Variants in MPND observed in about 807,000 individuals in gnomAD.
MPND encodes the protein MPN domain-containing protein.
A neutral mutation model predicts 59.2 loss-of-function variants in MPND; 56 were observed. The ratio of observed to expected loss-of-function variants is 0.95; its 90% CI spans 0.76 to 1.18. The LOEUF is 1.18. Among genes scored for constraint, MPND ranks in the 50% most tolerant of loss-of-function variants. The pLI is 0.00. For missense variants in MPND, 671 were observed against 676.0 expected (o/e 0.99, Z 0.08); for synonymous variants, 323 against 291.9 (o/e 1.11, Z -1.09).
intron 2 of MPND, among the ~76,000 whole-genome samples, chr19:4,345,029 C>T (rs1429243819): frequency 7.1e-6 from 1 of 140,376 alleles, no homozygotes; most frequent in Non-Finnish European, 1.5e-5. Context: ...GCGTGAGCCA[C>T]CATGCCCGGC....
At chr19:4,358,449 T>C (rs1465667899) in intron 11 of MPND, 1 of 465,824 alleles carries the variant, frequency 2.1e-6, no homozygotes, top group Non-Finnish European at 3.9e-6. Flanking sequence ...CTTTGGGTGG[T>C]AACTGGATGA....
At chr19:4,346,009 C>T (rs1377501574) in intron 3 of MPND, 28 bp downstream of exon 3, 2 of 1,583,286 alleles carry the variant, frequency 1.3e-6, no homozygotes, top group Non-Finnish European at 1.7e-6. Flanking sequence ...CTCCAGGAAG[C>T]CGCCCAGGTC....
intron 11 of MPND, among the ~76,000 whole-genome samples, chr19:4,358,782 A>AC (rs1265794868): frequency 6.6e-6 from 1 of 152,134 alleles, no homozygotes; most frequent in Non-Finnish European, 1.5e-5. Context: ...GTGAGACCCT[A>AC]CCTCAAGGAA....
chr19:4,354,096 G>T lies in MPND; in HGVS notation c.716G>T (p.Arg239Leu), dbSNP rs769946757. 23 of 1,613,024 alleles carry T rather than the reference G, an allele frequency of 1.4e-5. No homozygotes were observed. The East Asian group carries it at 4.9e-4, about 34-fold the overall frequency. ...GACAGCAAGATCCGGGTTCCGGTCCGCTACTGCATGCTGGGCAGCCGCGAC... is the reference window on the plus strand; with the variant it reads ...GACAGCAAGATCCGGGTTCCGGTCCTCTACTGCATGCTGGGCAGCCGCGAC... ...RVDSKIRVPV[R>L]YCMLGSRDLA... The change falls in exon 5 of 13, where the codon CGC becomes CTC. Residue 239 changes from arginine (R) to leucine (L), a missense_variant. Physicochemically the swap from Arg to Leu is moderately radical, Grantham distance 102. Coordinates refer to ENST00000599840, the MANE Select transcript of MPND (RefSeq NM_001300862.2).
In MPND at chr19:4,343,773, G is replaced by A; in HGVS notation, c.73G>A (p.Ala25Thr). The change falls in exon 2 of 13, where the codon GCG becomes ACG. Residue 25 changes from alanine (A) to threonine (T), a missense_variant. Transcript: ENST00000599840. Reference sequence around the variant, plus strand: ...GGCGCCGGAGGAGGACGAGGACGAAGCGGAGGCCGAGGACCCTGAGCGGCC... The same window carrying A: ...GGCGCCGGAGGAGGACGAGGACGAAACGGAGGCCGAGGACCCTGAGCGGCC... The part of the protein sequence containing the change: ...EEAPEEDEDE[A>T]EAEDPERPNA... 2 of 1,209,454 alleles carry A rather than the reference G, an allele frequency of 1.7e-6. No homozygotes were observed. The highest frequency in any genetic ancestry group is 3.4e-5 in the East Asian group (1 of 29,076). The allele number at this position is 1,209,454 out of a possible 1,614,324, so 74.9% of individuals were successfully genotyped here.
chr19:4,347,562 CT>C (rs1052716188), intron 3 of MPND, among the ~76,000 whole-genome samples: 101 of 151,940 alleles, frequency 6.6e-4, no homozygotes, highest in Admixed American at 3.3e-3. Context: ...TTTTCATAAA[CT>C]TTTTTTTATG....
intron 3 of MPND, among the ~76,000 whole-genome samples, chr19:4,349,365 C>T (rs868636618): frequency 1.3e-4 from 20 of 152,250 alleles, no homozygotes; most frequent in South Asian, 2.1e-4. Flanking sequence ...CATGAGCCAC[C>T]GCAGCCAGTC....
In MPND at chr19:4,354,389, T is replaced by A. The variant is rs1385886515; in HGVS notation, c.815T>A (p.Val272Glu). The change falls in exon 6 of 13, where the codon GTG becomes GAG. Residue 272 changes from valine to glutamate, a missense_variant. Transcript: ENST00000599840. Reference sequence around the variant, plus strand: ...ATCAACAAGTTCCAGCCGTTCAACGTGGCTGTTTCTAGCAACGTGCTGTTC... The same window carrying A: ...ATCAACAAGTTCCAGCCGTTCAACGAGGCTGTTTCTAGCAACGTGCTGTTC... ...AAINKFQPFNVAVSSNVLFLL... is the reference protein window; with the variant it reads ...AAINKFQPFNEAVSSNVLFLL... 6.4e-7 allele frequency: 1 copy of A among 1,560,626 alleles called. No individual in the cohort carries two copies.
chr19:4,344,035 G>A, intron 2 of MPND, 41 bp downstream of exon 2: 1 of 1,262,554 alleles, frequency 7.9e-7, no homozygotes, highest in Non-Finnish European at 1.0e-6. Context: ...GGCTCGGGCA[G>A]GAAGGGGAAA....
At chr19:4,344,494 C>T (rs571812230) in intron 2 of MPND, among the ~76,000 whole-genome samples, 1 of 152,290 alleles carries the variant, frequency 6.6e-6, no homozygotes, top group South Asian at 2.1e-4. Flanking sequence ...CAGATGGGTC[C>T]TTCTGGTGGG....
At chr19:4,353,871 C>G (rs1599574107) in intron 4 of MPND, 174 bp from the exon 5 acceptor site, 1 of 576,192 alleles carries the variant, frequency 1.7e-6, no homozygotes, top group Non-Finnish European at 3.1e-6. Context: ...CTCTGTAACT[C>G]AGGCTGGAGT....
intron 3 of MPND, chr19:4,347,187 G>A (rs530564295): frequency 6.6e-6 from 1 of 151,326 alleles, no homozygotes; most frequent in South Asian, 2.1e-4. Flanking sequence ...TCAACTGATT[G>A]GATGAGGCCC....
rs17853075 is a variant in MPND, at chr19:4,343,877, G to A, written c.177G>A (p.Gly59=). The change falls in exon 2 of 13, where the codon GGG becomes GGA. Residue 59 remains glycine (G), a synonymous_variant. Coordinates refer to ENST00000599840, the MANE Select transcript of MPND (RefSeq NM_001300862.2). ...VSGGGGGGGA[G]AGGCGGPGGA... ...GAGGAGGCGGCGGCGGCGGGGCCGG[G>A]GCGGGGGGCTGCGGCGGGCCCGGGG... The A allele has an allele frequency of 5.0e-4, 620 of 1,230,250 alleles. 1 individual carries two copies. The highest frequency in any genetic ancestry group is 5.9e-4 in the Non-Finnish European group (587 of 990,736). 76.2% of individuals were successfully genotyped at this position (1,230,250 alleles called of 1,614,324 possible).
At position 4,345,777 on chromosome 19, in the gene MPND, CGGAA is replaced by C; in HGVS notation, c.331_334del (p.Arg111SerfsTer24). On this transcript the variant is annotated frameshift_variant, in exon 3 of 13. Transcript: ENST00000599840. LOFTEE classifies it high-confidence loss of function. ...AGTTCCTGGGCGACCTGCAGCCAGA[CGGAA>C]GGATCATGTGGCAGGAGACCGGGCA... 6.2e-7 allele frequency: 1 copy of C among 1,613,934 alleles called. No homozygotes were observed. Among genetic ancestry groups the C allele is most frequent in the Non-Finnish European group, 8.5e-7 (1 of 1,179,990 alleles).
chr19:4,357,832 T>A (rs1972477565), intron 10 of MPND: 3 of 605,194 alleles, frequency 5.0e-6, no homozygotes, highest in Non-Finnish European at 8.8e-6. Context: ...CTGGCTTCAT[T>A]CCCCAATCCT....
chr19:4,347,886 T>C (rs1487768396), intron 3 of MPND: 2 of 168,528 alleles, frequency 1.2e-5, no homozygotes, highest in East Asian at 3.4e-4. Flanking sequence ...CTCCATATTG[T>C]GTTTTTTTTT....
Position 4,357,595 on chromosome 19 carries a change from G to C in MPND, c.1236+10G>C, listed in dbSNP as rs1408993098. The C allele has an allele frequency of 1.5e-5, 24 of 1,605,184 alleles. No individual in the cohort carries two copies. The highest frequency in any genetic ancestry group is 2.0e-5 in the Non-Finnish European group (24 of 1,175,904). On this transcript the variant is annotated intron_variant, in intron 10 of 12. Coordinates refer to ENST00000599840, the MANE Select transcript of MPND (RefSeq NM_001300862.2). Reference sequence around the variant, plus strand: ...GATGCCTCCTCCCGAGGTAGGTGGGGCTGTTGGGAGAGCCTGGGGGGCCCG... The same window carrying C: ...GATGCCTCCTCCCGAGGTAGGTGGGCCTGTTGGGAGAGCCTGGGGGGCCCG...
chr19:4,347,016 G>T (rs978605045), intron 3 of MPND, among the ~76,000 whole-genome samples: 1 of 151,988 alleles, frequency 6.6e-6, no homozygotes, highest in Non-Finnish European at 1.5e-5. Flanking sequence ...GCAACAGATT[G>T]AGACTCCATT....
intron 3 of MPND, among the ~76,000 whole-genome samples, chr19:4,350,307 G>T (rs1397748175): frequency 6.6e-6 from 1 of 152,140 alleles, no homozygotes; most frequent in African/African-American, 2.4e-5. Flanking sequence ...GGCAGGTCAT[G>T]CAGGGCTCTG....
Sources: allele counts gnomAD v4.1 joint callset (sites outside exome capture counted in the v4.1 genomes callset), GRCh38; gene constraint gnomAD v4.1.1; transcripts MANE v1.5; gene names NCBI Gene and HGNC (gene_info 2026-07-23, HGNC 2026-07-21).